The following CDH8 variants were observed in gnomAD, a reference collection of about 807,000 sequenced individuals.
CDH8 encodes cadherin 8.
CDH8 carries 17 observed loss-of-function variants against 68.1 expected under a neutral mutation model. The ratio of observed to expected loss-of-function variants is 0.25; its 90% CI spans 0.17 to 0.37. The LOEUF (loss-of-function observed/expected upper bound fraction) is 0.37, where lower values mean the gene tolerates loss of function less well. Ranked by LOEUF, CDH8 falls within the 10% of genes least tolerant of loss-of-function variation. The pLI, the probability that CDH8 is intolerant of heterozygous loss-of-function variation, is 1.00. For missense variants in CDH8, 763 were observed against 999.3 expected (o/e 0.76, Z 3.19); for synonymous variants, 372 against 365.1 (o/e 1.02, Z -0.21).
At chr16:62,013,578 A>T (rs1901868123) in intron 2 of CDH8, among the ~76,000 whole-genome samples, 2 of 152,314 alleles carry the variant, frequency 1.3e-5, no homozygotes, top group South Asian at 4.1e-4. Context: ...ATATTTTAAT[A>T]ATTATTTTCT....
intron 10 of CDH8, among the ~76,000 whole-genome samples, chr16:61,673,269 T>C (rs1963834412): frequency 6.6e-6 from 1 of 152,114 alleles, no homozygotes; most frequent in Admixed American, 6.6e-5. Flanking sequence ...CTTTTCTTCC[T>C]CACAGAATTC....
At chr16:62,002,883 C>T (rs1023165903) in intron 2 of CDH8, among the ~76,000 whole-genome samples, 5 of 152,136 alleles carry the variant, frequency 3.3e-5, no homozygotes. Context: ...GAAACCCCGT[C>T]TCTACTAAAA....
intron 2 of CDH8, among the ~76,000 whole-genome samples, chr16:62,015,718 T>C (rs1901923488): frequency 6.6e-6 from 1 of 152,112 alleles, no homozygotes; most frequent in Admixed American, 6.5e-5. Context: ...TATTGAAAGG[T>C]AATTTGGTCA....
At chr16:61,767,103 C>A (rs1053101975) in intron 8 of CDH8, among the ~76,000 whole-genome samples, 46 of 151,854 alleles carry the variant, frequency 3.0e-4, no homozygotes, top group Middle Eastern at 3.2e-3. Flanking sequence ...CTGACACTAC[C>A]CCAGGTGTCT....
chr16:62,032,082 G>A (rs976106291), intron 1 of CDH8: 15 of 152,138 alleles, frequency 9.9e-5, no homozygotes, highest in African/African-American at 3.6e-4. Context: ...TCGGATGATG[G>A]CCTTTGTCCA....
At chr16:61,801,452 A>G (rs1961628130) in intron 7 of CDH8, among the ~76,000 whole-genome samples, 1 of 152,006 alleles carries the variant, frequency 6.6e-6, no homozygotes, top group Admixed American at 6.6e-5. Context: ...AATTCAGTAA[A>G]ATTGGAGGAG....
chr16:61,693,841 A>C (rs942982705), intron 10 of CDH8: 3 of 152,120 alleles, frequency 2.0e-5, no homozygotes, highest in Non-Finnish European at 1.5e-5. Flanking sequence ...GCTACTATAT[A>C]TGGACCAACT....
intron 3 of CDH8, among the ~76,000 whole-genome samples, chr16:61,872,768 C>T (rs769594323): frequency 2.0e-5 from 3 of 152,046 alleles, no homozygotes; most frequent in Admixed American, 6.6e-5. Flanking sequence ...TCAGATGGTT[C>T]GGGGGACTTA....
chr16:61,889,354 G>A (rs1028926366), intron 3 of CDH8, among the ~76,000 whole-genome samples: 3 of 152,128 alleles, frequency 2.0e-5, no homozygotes, highest in African/African-American at 7.2e-5. Context: ...TCAAAGTCCA[G>A]TGAATCCAGA....
intron 3 of CDH8, among the ~76,000 whole-genome samples, chr16:61,897,210 T>C (rs988594604): frequency 1.3e-5 from 2 of 151,964 alleles, no homozygotes; most frequent in East Asian, 3.9e-4. Context: ...TATACATGTG[T>C]ATGTATGTAT....
In CDH8 at chr16:61,724,965, T is replaced by C. The variant is rs1421482904; in HGVS notation, c.1536+2129A>G. On this transcript the variant is annotated intron_variant, in intron 9 of 11. Transcript: ENST00000577390. The stretch of plus-strand genomic sequence containing the variant: ...CTGAATTCTGACTAACATAAAGGAT[T>C]CAAAGAGTTCAAGAAAGTTGTTTCA... Among the ~76,000 whole-genome samples, 5 of 150,988 alleles carry C rather than the reference T, an allele frequency of 3.3e-5. No homozygotes were observed. The Admixed American group carries it at 3.3e-4, about 10-fold the overall frequency.
In CDH8 at chr16:61,794,338, T is replaced by C. The variant is rs953559659; in HGVS notation, c.1278-4856A>G. On this transcript the variant is annotated intron_variant, in intron 7 of 11. Transcript: ENST00000577390. ...ATCCTGAGTTCTCATCTTAGTCTCA[T>C]TACTGGCGTATATGTGATTTAGTTA... Among the ~76,000 whole-genome samples, 3 of 152,048 alleles carry C rather than the reference T, an allele frequency of 2.0e-5. No homozygotes were observed. The East Asian group carries it at 5.8e-4, about 29-fold the overall frequency.
intron 2 of CDH8, among the ~76,000 whole-genome samples, chr16:61,999,760 T>C (rs1158897981): frequency 6.6e-6 from 1 of 152,028 alleles, no homozygotes; most frequent in Non-Finnish European, 1.5e-5. Flanking sequence ...GTGAGTTAAA[T>C]GTTCTTTGAA....
intron 3 of CDH8, among the ~76,000 whole-genome samples, chr16:61,894,019 A>AT (rs1215949462): frequency 6.6e-6 from 1 of 152,156 alleles, no homozygotes; most frequent in Non-Finnish European, 1.5e-5. Context: ...GAGGAATAAG[A>AT]TACTTACATA....
chr16:61,985,684 G>T (rs1447700318), intron 2 of CDH8, among the ~76,000 whole-genome samples: 1 of 152,036 alleles, frequency 6.6e-6, no homozygotes, highest in Non-Finnish European at 1.5e-5. Context: ...TAGAGACGGG[G>T]GTTTCTCCAT....
intron 10 of CDH8, among the ~76,000 whole-genome samples, chr16:61,664,478 AT>A (rs1963627941): frequency 6.6e-6 from 1 of 151,990 alleles, no homozygotes; most frequent in Admixed American, 6.6e-5. Context: ...GCTTAAATTT[AT>A]TTCCCTTCAT....
chr16:62,019,760 T>C (rs943641718), intron 2 of CDH8, among the ~76,000 whole-genome samples: 1 of 152,174 alleles, frequency 6.6e-6, no homozygotes, highest in East Asian at 1.9e-4. Context: ...TTCATACATA[T>C]ATATTTGTAT....
intron 10 of CDH8, among the ~76,000 whole-genome samples, chr16:61,672,191 C>T (rs1224873350): frequency 2.0e-5 from 3 of 151,902 alleles, no homozygotes; most frequent in Non-Finnish European, 2.9e-5. Flanking sequence ...AAGATGTCCA[C>T]CATCAAATTC....
At chr16:61,719,428 C>A (rs766141849) in intron 9 of CDH8, among the ~76,000 whole-genome samples, 1 of 150,908 alleles carries the variant, frequency 6.6e-6, no homozygotes, top group Non-Finnish European at 1.5e-5. Context: ...CAGAAGAATG[C>A]GTCTATACAA....
Sources: gnomAD v4.1 joint callset for allele counts (sites outside exome capture counted in the v4.1 genomes callset) on GRCh38, gnomAD v4.1.1 for gene constraint, MANE v1.5 for transcripts, NCBI Gene and HGNC (gene_info 2026-07-23, HGNC 2026-07-21) for gene names.